The following SHISAL2A variants were observed in gnomAD, a reference collection of about 807,000 sequenced individuals.
SHISAL2A encodes the protein shisa like 2A.
In SHISAL2A, 18 loss-of-function variants were observed where a neutral mutation model predicts 11.5. The observed-to-expected ratio is 1.57, with a 90% CI of 1.08 to 2.33. The LOEUF (loss-of-function observed/expected upper bound fraction) is 2.33. SHISAL2A is among the 30% of genes most tolerant of loss of function. The pLI, the probability that SHISAL2A is intolerant of heterozygous loss-of-function variation, is 0.00. For missense variants in SHISAL2A, 261 were observed against 250.9 expected (o/e 1.04, Z -0.27); for synonymous variants, 94 against 99.6 (o/e 0.94, Z 0.34).
At chr1:52,656,156 G>A (rs1691786695) in intron 2 of SHISAL2A, among the ~76,000 whole-genome samples, 1 of 152,078 alleles carries the variant, frequency 6.6e-6, no homozygotes, top group African/African-American at 2.4e-5. Flanking sequence ...TCCTATAACT[G>A]GTAAAGTAAA....
intron 2 of SHISAL2A, among the ~76,000 whole-genome samples, chr1:52,654,490 C>T (rs1691747734): frequency 6.6e-6 from 1 of 152,132 alleles, no homozygotes; most frequent in African/African-American, 2.4e-5. Flanking sequence ...CAGAAGTAGA[C>T]TGACATCATA....
chr1:52,668,260 CAT>C (rs929258531), intron 5 of SHISAL2A, among the ~76,000 whole-genome samples: 1 of 152,184 alleles, frequency 6.6e-6, no homozygotes, highest in African/African-American at 2.4e-5. Flanking sequence ...ATAGACCAAA[CAT>C]GTGTGGCCCA....
rs747539282 is a variant in SHISAL2A, at chr1:52,650,538, T to C, written c.323-6252T>C. Among the ~76,000 whole-genome samples, 5 of 152,116 alleles carry C rather than the reference T, an allele frequency of 3.3e-5. No individual in the cohort carries two copies. The East Asian group carries it at 5.8e-4, about 18-fold the overall frequency. ...TGGTATTTAATTAGTCTCAAACACATAGTAGGCTTTTAACAATTAGTGGCT... is the reference window on the plus strand; with the variant it reads ...TGGTATTTAATTAGTCTCAAACACACAGTAGGCTTTTAACAATTAGTGGCT... On this transcript the variant is annotated intron_variant, in intron 2 of 2. Transcript: ENST00000517870.
chr1:52,656,822 G>A lies in SHISAL2A; in HGVS notation c.355G>A (p.Val119Met). ...GGAGGTTTCTCCTGACTGCCAAGGT[G>A]TGAACACAGGCATGGCGGCAGAAGT... ...PEEVSPDCQG[V>M]NTGMAAEVPK... Residue 119 changes from valine to methionine, a missense_variant, in exon 3 of 3, where the codon GTG (valine) becomes ATG (methionine). Coordinates refer to ENST00000517870, the MANE Select transcript of SHISAL2A (RefSeq NM_001042693.3). 1.2e-6 allele frequency: 2 copies of A among 1,613,832 alleles called. No homozygotes were observed. Among genetic ancestry groups the A allele is most frequent in the Non-Finnish European group, 1.7e-6 (2 of 1,179,842 alleles).
At chr1:52,633,115 C>A (rs1349130689), upstream of SHISAL2A, among the ~76,000 whole-genome samples, 3 of 152,314 alleles carry the variant, frequency 2.0e-5, no homozygotes, top group Non-Finnish European at 2.9e-5. This position sits in a 1 kb window ranked among gnomAD's most constrained non-coding sequence, Gnocchi z 6.4. Context: ...GCGCACCCAG[C>A]GCCCTCGTGC....
chr1:52,659,927 C>T (rs1006173499), downstream of SHISAL2A, among the ~76,000 whole-genome samples: 5 of 152,174 alleles, frequency 3.3e-5, no homozygotes, highest in Non-Finnish European at 7.3e-5. Flanking sequence ...GCATTCCAAA[C>T]GCTAAAGTGG....
At chr1:52,664,111 C>T (rs1235635613) in intron 4 of SHISAL2A, among the ~76,000 whole-genome samples, 2 of 152,064 alleles carry the variant, frequency 1.3e-5, no homozygotes, top group Non-Finnish European at 1.5e-5. Context: ...ACAAAGGTAT[C>T]GAAACCTTGG....
At chr1:52,657,581 G>A (rs945859971), downstream of SHISAL2A, among the ~76,000 whole-genome samples, 2 of 152,282 alleles carry the variant, frequency 1.3e-5, no homozygotes, top group South Asian at 2.1e-4. Context: ...GGGGCAGGGC[G>A]CGGCAGTTCA....
At chr1:52,653,892 A>G (rs565611590) in intron 2 of SHISAL2A, among the ~76,000 whole-genome samples, 1 of 152,008 alleles carries the variant, frequency 6.6e-6, no homozygotes, top group African/African-American at 2.4e-5. Context: ...AAATTAGGCC[A>G]GTCGTATTTT....
At position 52,647,520 on chromosome 1, in the gene SHISAL2A, A is replaced by T. The variant is rs151077308; in HGVS notation, c.322+4518A>T. On this transcript the variant is annotated intron_variant, in intron 2 of 2. Coordinates refer to ENST00000517870, the MANE Select transcript of SHISAL2A (RefSeq NM_001042693.3). ...CAATGCACAGGAAAAGATGCTCAAC[A>T]TTACTAATAATCAGGGGAATGCAAT... Among the ~76,000 whole-genome samples the T allele has an allele frequency of 4.6e-5, 7 of 152,286 alleles. No homozygotes were observed. The East Asian group carries it at 9.6e-4, about 21-fold the overall frequency.
At chr1:52,654,431 G>T (rs1372626983) in intron 2 of SHISAL2A, among the ~76,000 whole-genome samples, 3 of 152,204 alleles carry the variant, frequency 2.0e-5, no homozygotes, top group African/African-American at 7.2e-5. Context: ...AAGGAGGATA[G>T]TGTGGTATTG....
At chr1:52,641,520 G>T (rs1284151916) in intron 1 of SHISAL2A, among the ~76,000 whole-genome samples, 1 of 152,180 alleles carries the variant, frequency 6.6e-6, no homozygotes. Flanking sequence ...TTCAGACCAG[G>T]TGACCAAGGC....
chr1:52,643,849 TCAGA>T (rs1558087429), intron 2 of SHISAL2A, among the ~76,000 whole-genome samples: 1 of 119,706 alleles, frequency 8.4e-6, no homozygotes. Flanking sequence ...TGAGACTGTC[TCAGA>T]AAGAAAGAAA....
intron 4 of SHISAL2A, among the ~76,000 whole-genome samples, chr1:52,666,583 CGTGTGT>C (rs3082869): frequency 6.6e-6 from 1 of 150,472 alleles, no homozygotes; most frequent in East Asian, 1.9e-4. Flanking sequence ...TGCACACGCG[CGTGTGT>C]GTGTGTGTGT....
At chr1:52,638,987 C>T (rs894692526) in intron 1 of SHISAL2A, among the ~76,000 whole-genome samples, 1 of 152,104 alleles carries the variant, frequency 6.6e-6, no homozygotes, top group African/African-American at 2.4e-5. Context: ...CCTTGGGCAA[C>T]ATGGTGAAAC....
Position 52,633,650 on chromosome 1 carries a change from G to C in SHISAL2A, c.157G>C (p.Glu53Gln). ...CDDPHSFFPY[E>Q]HSYMWWLSIG... ...CGACCCGCACAGCTTCTTCCCCTAC[G>C]AGCACAGCTACATGTGGTGGCTCAG... is the stretch of plus-strand genomic sequence containing the variant. The change falls in exon 1 of 3, where the codon GAG (glutamate) becomes CAG (glutamine). Residue 53 changes from glutamate to glutamine, a missense_variant. Glu to Gln is a conservative substitution (Grantham distance 29). Transcript: ENST00000517870. This position sits in a 1 kb window ranked among gnomAD's most constrained non-coding sequence, Gnocchi z 6.4. 6 of 1,612,922 alleles carry C rather than the reference G, an allele frequency of 3.7e-6. No homozygotes were observed. The highest frequency in any genetic ancestry group is 5.1e-6 in the Non-Finnish European group (6 of 1,179,416).
chr1:52,656,657 T>A (rs1329128488), intron 2 of SHISAL2A, 133 bp from the exon 3 acceptor site: 13 of 939,674 alleles, frequency 1.4e-5, no homozygotes, highest in Non-Finnish European at 2.1e-5. Flanking sequence ...AATAAATACA[T>A]GTTAAACAAA....
intron 4 of SHISAL2A, among the ~76,000 whole-genome samples, chr1:52,663,010 T>C (rs1281813179): frequency 3.9e-5 from 6 of 152,198 alleles, no homozygotes; most frequent in East Asian, 3.9e-4. Context: ...GGGAGCTTCA[T>C]TGTGAAACCT....
rs756070190 is a variant in SHISAL2A at position 52,656,872 on chromosome 1, G to T, written c.405G>T (p.Gln135His). 6.2e-7 allele frequency: 1 copy of T among 1,614,200 alleles called. No individual in the cohort carries two copies. The highest frequency in any genetic ancestry group is 8.5e-7 in the Non-Finnish European group (1 of 1,180,034). Residue 135 changes from glutamine to histidine, a missense_variant, in exon 3 of 3, where the codon CAG (glutamine) becomes CAT (histidine). By Grantham distance (24) the Gln-to-His change is conservative. Coordinates refer to ENST00000517870, the MANE Select transcript of SHISAL2A (RefSeq NM_001042693.3). ...AEVPKVSPLQ[Q>H]SYSCLNPQLE... ...TGCCAAAAGTGAGCCCTCTCCAGCA[G>T]AGTTACTCCTGCTTGAACCCGCAGC...
Sources: gnomAD v4.1 joint callset for allele counts (sites outside exome capture counted in the v4.1 genomes callset) on GRCh38, gnomAD v4.1.1 for gene constraint, Gnocchi (gnomAD v3.1) non-coding constraint, MANE v1.5 for transcripts, NCBI Gene and HGNC (gene_info 2026-07-23, HGNC 2026-07-21) for gene names.